LEKR1: variants seen among roughly 807,000 people sequenced by gnomAD.
LEKR1 encodes the protein protein LEKR1.
LEKR1 carries 59 observed loss-of-function variants against 72.4 expected under a neutral mutation model. The ratio of observed to expected loss-of-function variants is 0.82; its 90% confidence interval spans 0.66 to 1.01. LEKR1 has a LOEUF of 1.01. Among genes scored for constraint, LEKR1 ranks in the 50% least tolerant of loss-of-function variants. LEKR1 has a pLI of 0.00. For synonymous variants in LEKR1, 257 were observed against 263.2 expected (o/e 0.98, Z 0.23); for missense variants, 728 against 759.2 (o/e 0.96, Z 0.48).
chr3:156,979,066 C>A (rs1051371056), intron 6 of LEKR1, 128 bp from the exon 7 acceptor site: 43 of 393,952 alleles, frequency 1.1e-4, no homozygotes, highest in South Asian at 8.2e-4. Flanking sequence ...GACATACAGG[C>A]AAAGTGGAAT....
At chr3:157,016,814 TATACA>T (rs1217988377) in intron 10 of LEKR1, among the ~76,000 whole-genome samples, 10 of 152,176 alleles carry the variant, frequency 6.6e-5, no homozygotes, top group African/African-American at 1.9e-4. Context: ...GTGAGATTCT[TATACA>T]ATACATGTAG....
chr3:156,912,922 C>T (rs918934308), intron 3 of LEKR1, among the ~76,000 whole-genome samples: 4 of 152,328 alleles, frequency 2.6e-5, no homozygotes, highest in Admixed American at 2.6e-4. Flanking sequence ...CCCTACCTCA[C>T]ACTCTGAGGA....
At chr3:156,856,065 A>G (rs1485545113) in intron 3 of LEKR1, among the ~76,000 whole-genome samples, 1 of 151,034 alleles carries the variant, frequency 6.6e-6, no homozygotes, top group Non-Finnish European at 1.5e-5. Context: ...AGACTCACGC[A>G]AGTAGAAACA....
intron 3 of LEKR1, among the ~76,000 whole-genome samples, chr3:156,887,421 T>C (rs1020793411): frequency 1.6e-4 from 24 of 152,216 alleles, no homozygotes; most frequent in African/African-American, 5.5e-4. Context: ...CTACAAATTT[T>C]ACATTAGTAA....
chr3:157,029,847 T>C (rs1734475327), intron 12 of LEKR1, among the ~76,000 whole-genome samples: 1 of 152,152 alleles, frequency 6.6e-6, no homozygotes, highest in Non-Finnish European at 1.5e-5. Context: ...GCAGGTTTTC[T>C]AACTATTCAT....
intron 12 of LEKR1, among the ~76,000 whole-genome samples, chr3:157,037,183 T>C (rs1454589604): frequency 6.6e-6 from 1 of 152,236 alleles, no homozygotes; most frequent in East Asian, 1.9e-4. Context: ...AGTATAATGA[T>C]GTTATTTTGA....
intron 5 of LEKR1, among the ~76,000 whole-genome samples, chr3:156,940,549 A>C (rs1441026493): frequency 6.6e-6 from 1 of 152,214 alleles, no homozygotes; most frequent in Non-Finnish European, 1.5e-5. Context: ...GTATAATGGC[A>C]AGGGTAGAAT....
At chr3:156,840,515 G>T (rs576584205) in intron 2 of LEKR1, among the ~76,000 whole-genome samples, 4 of 152,128 alleles carry the variant, frequency 2.6e-5, no homozygotes, top group Admixed American at 2.0e-4. Context: ...TCAATCTTTC[G>T]GGTTTTTCAG....
chr3:157,004,764 A>G (rs1374277016), intron 9 of LEKR1, among the ~76,000 whole-genome samples: 2 of 152,138 alleles, frequency 1.3e-5, no homozygotes, highest in Non-Finnish European at 2.9e-5. Context: ...GAAATTAGAA[A>G]GTATTTTGAA....
At chr3:156,926,635 T>A (rs1724741834) in intron 4 of LEKR1, among the ~76,000 whole-genome samples, 1 of 152,012 alleles carries the variant, frequency 6.6e-6, no homozygotes, top group African/African-American at 2.4e-5. Flanking sequence ...ACTTCTCACT[T>A]TTCCATTTCT....
intron 3 of LEKR1, among the ~76,000 whole-genome samples, chr3:156,903,814 C>T (rs1722263083): frequency 1.3e-5 from 2 of 152,170 alleles, no homozygotes; most frequent in African/African-American, 2.4e-5. Flanking sequence ...CTATTGTTTT[C>T]TCTAGTCCCA....
At chr3:156,977,314 A>G (rs1022910568) in intron 6 of LEKR1, among the ~76,000 whole-genome samples, 1 of 152,212 alleles carries the variant, frequency 6.6e-6, no homozygotes. Flanking sequence ...GAAATGGAGA[A>G]TTCAAATAGT....
intron 5 of LEKR1, among the ~76,000 whole-genome samples, chr3:156,928,381 G>A (rs1576841164): frequency 6.6e-6 from 1 of 152,030 alleles, no homozygotes; most frequent in African/African-American, 2.4e-5. Flanking sequence ...TTTTGCATAT[G>A]TGGAGAGAGG....
At chr3:156,984,468 G>A (rs113235241) in intron 7 of LEKR1, among the ~76,000 whole-genome samples, 8,228 of 152,180 alleles carry the variant, frequency 0.054, 259 homozygotes, top group African/African-American at 0.08. Flanking sequence ...CCTGAGGTCA[G>A]GAGTTCGAGA....
intron 7 of LEKR1, among the ~76,000 whole-genome samples, chr3:156,985,219 C>T (rs1478346043): frequency 2.6e-5 from 4 of 151,778 alleles, no homozygotes; most frequent in South Asian, 4.2e-4. Context: ...TGCTAAGTGC[C>T]GCAAAAATAT....
Position 157,037,999 on chromosome 3 carries a change from G to A in LEKR1, c.1669-7341G>A, listed in dbSNP as rs567269709. Among the ~76,000 whole-genome samples, 37 of 152,326 alleles carry A rather than the reference G, an allele frequency of 2.4e-4. No homozygotes were observed. The South Asian group carries it at 7.5e-3, about 31-fold the overall frequency. ...CAAGGTTGAAGGGCCAGTTCACATGGAGTCTTCGTAGGCTATGATAAGGTC... is the reference window on the plus strand; with the variant it reads ...CAAGGTTGAAGGGCCAGTTCACATGAAGTCTTCGTAGGCTATGATAAGGTC... On this transcript the variant is annotated intron_variant, in intron 12 of 12. Coordinates refer to ENST00000356539, the MANE Select transcript of LEKR1 (RefSeq NM_001004316.3).
chr3:156,835,644 C>T (rs1366905683), intron 2 of LEKR1, among the ~76,000 whole-genome samples: 1 of 152,118 alleles, frequency 6.6e-6, no homozygotes, highest in Non-Finnish European at 1.5e-5. Flanking sequence ...TTTTCTTATT[C>T]GGTGTGCAAA....
chr3:157,041,077 A>G (rs930967219), intron 12 of LEKR1, among the ~76,000 whole-genome samples: 1 of 152,170 alleles, frequency 6.6e-6, no homozygotes, highest in Non-Finnish European at 1.5e-5. Context: ...GAACTAATTT[A>G]TATTTTCATT....
chr3:156,880,036 A>C (rs1719097818), intron 3 of LEKR1, among the ~76,000 whole-genome samples: 1 of 152,236 alleles, frequency 6.6e-6, no homozygotes, highest in South Asian at 2.1e-4. Flanking sequence ...GCCCCAACAC[A>C]GAGTACCCAC....
Sources: gnomAD v4.1 joint callset for allele counts (sites outside exome capture counted in the v4.1 genomes callset) on GRCh38, gnomAD v4.1.1 for gene constraint, MANE v1.5 for transcripts, NCBI Gene and HGNC (gene_info 2026-07-23, HGNC 2026-07-21) for gene names.